The following RANBP2 variants were observed in gnomAD, a reference collection of about 807,000 sequenced individuals.
RANBP2 encodes RAN binding protein 2.
A neutral mutation model predicts 303.6 loss-of-function variants in RANBP2; 57 were observed. That is an observed-to-expected ratio of 0.19 (90% CI 0.15 to 0.23). RANBP2 has a LOEUF of 0.23. RANBP2 is among the 10% of genes least tolerant of loss of function. RANBP2 has a pLI of 1.00. For synonymous variants in RANBP2, 1,167 were observed against 1,301.5 expected (o/e 0.90, Z 2.23); for missense variants, 3,138 against 3,780.8 (o/e 0.83, Z 4.46).
At position 108,752,544 on chromosome 2, in the gene RANBP2, G is replaced by A. The variant is rs570074011; in HGVS notation, c.1756-454G>A. On this transcript the variant is annotated intron_variant, in intron 12 of 28. Transcript: ENST00000283195. ...TCCCAGCACGTTAGGAGGCCGAGGC[G>A]GGCAGATCACAAGGTCAGGAGATCG... Among the ~76,000 whole-genome samples, 350 of 150,450 alleles carry A rather than the reference G, an allele frequency of 2.3e-3. 1 individual carries two copies. Among genetic ancestry groups the A allele is most frequent in the Admixed American group, 2.7e-3 (41 of 15,042 alleles).
the RANBP2 span, among the ~76,000 whole-genome samples, chr2:109,088,191 G>A: frequency 6.6e-6 from 1 of 152,046 alleles, no homozygotes; most frequent in African/African-American, 2.4e-5. Flanking sequence ...AAGGTCAAGA[G>A]ATCAAGACCA....
the RANBP2 span, chr2:109,501,774 C>T: frequency 4.7e-6 from 3 of 639,288 alleles, no homozygotes; most frequent in East Asian, 8.2e-5. Flanking sequence ...TCCAGGTCAT[C>T]TCCAAGGCAC....
At chr2:108,755,445 C>T (rs2149242527) in intron 17 of RANBP2, among the ~76,000 whole-genome samples, 186 bp downstream of exon 17, 1 of 150,116 alleles carries the variant, frequency 6.7e-6, no homozygotes, top group South Asian at 2.1e-4. Context: ...GGCTGGAGTA[C>T]AGTGGTATGA....
chr2:109,482,505 T>G, the RANBP2 span, among the ~76,000 whole-genome samples: 3 of 152,174 alleles, frequency 2.0e-5, no homozygotes, highest in Non-Finnish European at 2.9e-5. Context: ...GTCAGTCTCT[T>G]TTGTTTCAGG....
the RANBP2 span, among the ~76,000 whole-genome samples, chr2:109,548,775 CAAAAAAAAAAAAA>C: frequency 3.1e-4 from 20 of 63,594 alleles, no homozygotes; most frequent in South Asian, 1.6e-3. Flanking sequence ...GGCTCCATCT[CAAAAAAAAAAAAA>C]AAAAAAAAAA....
At chr2:109,355,144 A>G in the RANBP2 span, among the ~76,000 whole-genome samples, 3 of 152,366 alleles carry the variant, frequency 2.0e-5, no homozygotes, top group Admixed American at 6.5e-5. Context: ...ATACCAGGGA[A>G]TAGGGAAAAC....
chr2:109,284,508 T>C, the RANBP2 span, among the ~76,000 whole-genome samples: 1 of 152,186 alleles, frequency 6.6e-6, no homozygotes, highest in African/African-American at 2.4e-5. Context: ...TCGTCCAGCC[T>C]TGGAAGCCAC....
At chr2:109,199,329 A>AATAAAATAAATAAAAT in the RANBP2 span, among the ~76,000 whole-genome samples, 38 of 1,068 alleles carry the variant, frequency 0.036, 1 homozygote, top group African/African-American at 0.095. Context: ...CTCAAAAAGT[A>AATAAAATAAATAAAAT]AAATGGAATG....
the RANBP2 span, among the ~76,000 whole-genome samples, chr2:109,076,162 C>A: frequency 6.7e-6 from 1 of 149,818 alleles, no homozygotes; most frequent in African/African-American, 2.4e-5. Context: ...ATGTAATGCA[C>A]CACATTAACA....
chr2:109,564,233 T>A, the RANBP2 span: 81 of 775,438 alleles, frequency 1.0e-4, no homozygotes, highest in East Asian at 2.4e-3. Flanking sequence ...CAATAATTAG[T>A]CATTACCAAA....
the RANBP2 span, among the ~76,000 whole-genome samples, chr2:109,236,226 A>G: frequency 7.2e-5 from 11 of 152,240 alleles, no homozygotes; most frequent in African/African-American, 2.4e-4. Context: ...ACAATGTAAT[A>G]TACTTGCCTT....
the RANBP2 span, among the ~76,000 whole-genome samples, chr2:109,009,333 G>A: frequency 1.3e-5 from 2 of 151,478 alleles, no homozygotes; most frequent in African/African-American, 4.9e-5. Flanking sequence ...GAGTGAGACT[G>A]TCTCAAAAAT....
chr2:109,273,855 T>G, the RANBP2 span, among the ~76,000 whole-genome samples: 1 of 152,084 alleles, frequency 6.6e-6, no homozygotes, highest in Non-Finnish European at 1.5e-5. Context: ...AAGGGGTTGC[T>G]TGAAGTGAAA....
chr2:109,049,289 C>T, the RANBP2 span, among the ~76,000 whole-genome samples: 1 of 152,352 alleles, frequency 6.6e-6, no homozygotes, highest in Middle Eastern at 3.4e-3. Flanking sequence ...GAGATGCCTT[C>T]TTTCTCTCCG....
chr2:109,118,535 G>A, the RANBP2 span, among the ~76,000 whole-genome samples: 4 of 147,476 alleles, frequency 2.7e-5, no homozygotes, highest in African/African-American at 7.4e-5. Flanking sequence ...TTTGTCCACC[G>A]CAGCCGGCCA....
At position 108,744,511 on chromosome 2, in the gene RANBP2, C is replaced by T. The variant is rs545785153; in HGVS notation, c.976-2200C>T. Among the ~76,000 whole-genome samples the T allele has an allele frequency of 9.0e-4, 137 of 152,006 alleles. 1 individual carries two copies. Among genetic ancestry groups the T allele is most frequent in the Middle Eastern group, 3.4e-3 (1 of 292 alleles). The stretch of plus-strand genomic sequence containing the variant: ...TGTTGAATAATTTTGTAAAAGAGGC[C>T]GGGTTTATGAATTGAGGTCAGTTTC... On this transcript the variant is annotated intron_variant, in intron 7 of 28. Coordinates refer to ENST00000283195, the MANE Select transcript of RANBP2 (RefSeq NM_006267.5).
chr2:109,653,665 G>T, the RANBP2 span, among the ~76,000 whole-genome samples: 1 of 152,140 alleles, frequency 6.6e-6, no homozygotes, highest in African/African-American at 2.4e-5. Flanking sequence ...TGACATAGGT[G>T]GTGGGTAAGC....
chr2:109,263,137 C>T, the RANBP2 span, among the ~76,000 whole-genome samples: 1 of 152,216 alleles, frequency 6.6e-6, no homozygotes, highest in Admixed American at 6.5e-5. Context: ...TGAGCCACCA[C>T]GCCCAGCCGC....
chr2:109,405,454 C>A, the RANBP2 span, among the ~76,000 whole-genome samples: 1 of 152,170 alleles, frequency 6.6e-6, no homozygotes, highest in Non-Finnish European at 1.5e-5. Flanking sequence ...CAGCTCCCGG[C>A]AGCACTGTCC....
Sources: gnomAD v4.1 joint callset for allele counts (sites outside exome capture counted in the v4.1 genomes callset) on GRCh38, gnomAD v4.1.1 for gene constraint, MANE v1.5 for transcripts, NCBI Gene and HGNC (gene_info 2026-07-23, HGNC 2026-07-21) for gene names.